The following TENM2 variants were observed in gnomAD, a reference collection of about 807,000 sequenced individuals.
TENM2 encodes teneurin transmembrane protein 2.
Under a neutral mutation model 245.2 loss-of-function variants are expected in TENM2, and 52 were observed. The observed-to-expected ratio is 0.21, with a 90% CI of 0.17 to 0.27. TENM2 has a LOEUF of 0.27. Ranked by LOEUF, TENM2 falls within the 10% of genes least tolerant of loss-of-function variation. TENM2 has a pLI of 1.00. For synonymous variants in TENM2, 1,363 were observed against 1,438.9 expected, an observed-to-expected ratio of 0.95 and a Z score of 1.19; for missense variants, 3,046 against 3,666.8, an observed-to-expected ratio of 0.83 and a Z score of 4.37.
At chr5:167,194,797 A>G in the TENM2 span, among the ~76,000 whole-genome samples, 1 of 152,000 alleles carries the variant, frequency 6.6e-6, no homozygotes, top group Non-Finnish European at 1.5e-5. Flanking sequence ...CTTTCTTAGA[A>G]ATTTCTCATT....
chr5:167,462,897 G>A (rs1206883441), intron 2 of TENM2, among the ~76,000 whole-genome samples: 2 of 152,024 alleles, frequency 1.3e-5, no homozygotes, highest in Non-Finnish European at 1.5e-5. Flanking sequence ...CTTCTACCAA[G>A]TATTTCCGTT....
intron 2 of TENM2, among the ~76,000 whole-genome samples, chr5:167,585,357 A>C (rs777805358): frequency 2.0e-5 from 3 of 152,242 alleles, no homozygotes; most frequent in Non-Finnish European, 4.4e-5. Context: ...AGTGATGTTT[A>C]CAAGATTTTG....
In TENM2 at chr5:167,336,890, G is replaced by A. The variant is rs181410387; in HGVS notation, c.227-38308G>A. Among the ~76,000 whole-genome samples the A allele has an allele frequency of 4.6e-5, 7 of 151,360 alleles. No homozygotes were observed. In the East Asian group the frequency reaches 1.4e-3, roughly 29 times the overall value. ...CCCAGCACTTTGGGAGGCCGAGGCG[G>A]GTGGATCATGAGGTCAGGAGATCGA... On this transcript the variant is annotated intron_variant, in intron 1 of 28. Transcript: ENST00000518659.
chr5:167,283,035 T>C (rs1369962364), upstream of TENM2, among the ~76,000 whole-genome samples: 1 of 151,982 alleles, frequency 6.6e-6, no homozygotes, highest in African/African-American at 2.4e-5. Context: ...GATCATAATA[T>C]TTGTACCCTC....
intron 1 of TENM2, among the ~76,000 whole-genome samples, chr5:167,347,114 G>C (rs1188877885): frequency 6.6e-6 from 1 of 150,960 alleles, no homozygotes; most frequent in Non-Finnish European, 1.5e-5. Flanking sequence ...GATCATACCT[G>C]TGTGCATAGT....
chr5:168,203,805 A>G, exon 18 of TENM2: 6 of 1,612,582 alleles, frequency 3.7e-6, no homozygotes, highest in Non-Finnish European at 5.1e-6. Flanking sequence ...GTCCCTAGAC[A>G]AACACCACAT....
the TENM2 span, among the ~76,000 whole-genome samples, chr5:166,990,947 C>G: frequency 1.3e-5 from 2 of 151,772 alleles, no homozygotes; most frequent in East Asian, 1.9e-4. Context: ...GAAGGCTCAT[C>G]ATGTTGAGTG....
intron 6 of TENM2, 88 bp from the exon 9 acceptor site, chr5:168,061,972 A>G: frequency 8.1e-7 from 1 of 1,233,968 alleles, no homozygotes; most frequent in Non-Finnish European, 1.1e-6. Context: ...CAACAACAAA[A>G]AAAAACCTGG....
intron 2 of TENM2, among the ~76,000 whole-genome samples, chr5:167,389,700 T>C (rs567534427): frequency 3.9e-5 from 6 of 152,318 alleles, no homozygotes; most frequent in South Asian, 2.1e-4. Flanking sequence ...TACACAGTTA[T>C]GTGAAATTGC....
At chr5:167,685,435 C>G (rs1183563498) in intron 2 of TENM2, among the ~76,000 whole-genome samples, 1 of 152,104 alleles carries the variant, frequency 6.6e-6, no homozygotes, top group Non-Finnish European at 1.5e-5. Context: ...CCTTCCTCGG[C>G]CTTCTTTTTC....
chr5:167,121,006 T>C, the TENM2 span, among the ~76,000 whole-genome samples: 1 of 151,694 alleles, frequency 6.6e-6, no homozygotes, highest in African/African-American at 2.4e-5. Flanking sequence ...TAGTTAGGAG[T>C]GCAGCTGCAA....
At chr5:167,189,060 A>G in the TENM2 span, among the ~76,000 whole-genome samples, 13 of 152,260 alleles carry the variant, frequency 8.5e-5, no homozygotes, top group Non-Finnish European at 2.9e-5. Flanking sequence ...TTCACACCAT[A>G]AAAAGTTTAT....
At chr5:167,505,815 G>A (rs1476679847) in intron 2 of TENM2, among the ~76,000 whole-genome samples, 1 of 152,134 alleles carries the variant, frequency 6.6e-6, no homozygotes, top group East Asian at 1.9e-4. Context: ...AAATGAAGGG[G>A]ATGACAAGAA....
intron 3 of TENM2, among the ~76,000 whole-genome samples, chr5:167,932,229 G>A (rs997179527): frequency 6.6e-6 from 1 of 152,108 alleles, no homozygotes; most frequent in Non-Finnish European, 1.5e-5. Flanking sequence ...GTGAGTGGAT[G>A]TAACATGGGA....
At chr5:167,875,956 GA>G in intron 2 of TENM2, 29 bp from the exon 5 acceptor site, 1 of 1,505,024 alleles carries the variant, frequency 6.6e-7, no homozygotes, top group Non-Finnish European at 9.0e-7. Flanking sequence ...ACTCATTGCT[GA>G]CCTTTGACCC....
chr5:167,811,284 G>T (rs942224992), intron 2 of TENM2, among the ~76,000 whole-genome samples: 1 of 152,096 alleles, frequency 6.6e-6, no homozygotes, highest in Non-Finnish European at 1.5e-5. Flanking sequence ...GGAGGTGTTT[G>T]GTTTATGGGG....
chr5:167,487,996 A>C (rs979188619), intron 2 of TENM2, among the ~76,000 whole-genome samples: 1 of 152,204 alleles, frequency 6.6e-6, no homozygotes, highest in Non-Finnish European at 1.5e-5. Context: ...AGATTACCTG[A>C]AACCCCACAG....
At chr5:168,250,387 A>T (rs1055047126) in intron 27 of TENM2, among the ~76,000 whole-genome samples, 2 of 152,152 alleles carry the variant, frequency 1.3e-5, no homozygotes, top group Non-Finnish European at 2.9e-5. Context: ...TATGCTTTGT[A>T]TAGAGAAACA....
the TENM2 span, among the ~76,000 whole-genome samples, chr5:167,255,073 C>CTTTTTTTTTTT: frequency 4.0e-5 from 5 of 125,524 alleles, no homozygotes; most frequent in Admixed American, 7.9e-5. Flanking sequence ...CTTTTCTTTT[C>CTTTTTTTTTTT]TTTTTTTTTT....
Sources: allele counts gnomAD v4.1 joint callset (sites outside exome capture counted in the v4.1 genomes callset), GRCh38; gene constraint gnomAD v4.1.1; transcripts MANE v1.5; gene names NCBI Gene and HGNC (gene_info 2026-07-23, HGNC 2026-07-21).